CDC45: variants seen among roughly 807,000 people sequenced by gnomAD.
The protein encoded by CDC45 is cell division cycle 45.
A neutral mutation model predicts 77.8 loss-of-function variants in CDC45; 54 were observed. The ratio of observed to expected loss-of-function variants is 0.69; its 90% CI spans 0.56 to 0.87. The LOEUF (loss-of-function observed/expected upper bound fraction) is 0.87. CDC45 is among the 40% of genes least tolerant of loss of function. CDC45 has a pLI of 0.00. For synonymous variants in CDC45, 260 were observed against 272.1 expected (o/e 0.96, Z 0.44); for missense variants, 649 against 721.6 (o/e 0.90, Z 1.15).
chr22:19,513,419 G>A (rs1464863910), intron 13 of CDC45, among the ~76,000 whole-genome samples: 1 of 152,104 alleles, frequency 6.6e-6, no homozygotes, highest in East Asian at 1.9e-4. Context: ...TTACTATCTG[G>A]CACGGCTCTT....
chr22:19,493,487 C>T (rs1480477612), intron 5 of CDC45, among the ~76,000 whole-genome samples: 1 of 151,930 alleles, frequency 6.6e-6, no homozygotes, highest in African/African-American at 2.4e-5. Context: ...CTCTGTTACC[C>T]AGGCTGGAAT....
Position 19,507,410 on chromosome 22 carries a change from C to A in CDC45, c.849C>A (p.His283Gln), listed in dbSNP as rs1208026486. Residue 283 changes from histidine (H) to glutamine (Q), a missense_variant, in exon 11 of 19, where the codon CAC becomes CAA. By Grantham distance (24) the His-to-Gln change is conservative (BLOSUM62 0). Coordinates refer to ENST00000263201, the MANE Select transcript of CDC45 (RefSeq NM_003504.5). ...GCCTCCGCCTGGTGCTCTACCAGCA[C>A]TGGTCCCTCCATGACAGCCTGTGCA... ...EYDLRLVLYQHWSLHDSLCNT... is the reference protein window; with the variant it reads ...EYDLRLVLYQQWSLHDSLCNT... 1 of 1,614,136 alleles carries A rather than the reference C, an allele frequency of 6.2e-7. No individual in the cohort carries two copies. The highest frequency in any genetic ancestry group is 1.7e-5 in the Admixed American group (1 of 60,032).
chr22:19,491,454 A>C (rs1420905677), intron 5 of CDC45, among the ~76,000 whole-genome samples: 2 of 151,664 alleles, frequency 1.3e-5, no homozygotes, highest in East Asian at 3.9e-4. Flanking sequence ...TTTATTCCTA[A>C]AAGGTACTTT....
At chr22:19,502,439 A>G (rs565659395) in intron 9 of CDC45, among the ~76,000 whole-genome samples, 2 of 152,242 alleles carry the variant, frequency 1.3e-5, no homozygotes, top group African/African-American at 2.4e-5. Flanking sequence ...TTATAAGCCA[A>G]TTTGGTAGCA....
chr22:19,490,987 C>T (rs959918705), intron 5 of CDC45, among the ~76,000 whole-genome samples: 2 of 151,782 alleles, frequency 1.3e-5, no homozygotes, highest in African/African-American at 4.8e-5. Context: ...GCCACCATGC[C>T]CGGCTAATTT....
chr22:19,513,024 C>T (rs981859561), intron 13 of CDC45, among the ~76,000 whole-genome samples: 10 of 152,104 alleles, frequency 6.6e-5, no homozygotes, highest in African/African-American at 2.2e-4. Context: ...ACAACCGTCA[C>T]GGGAACTAAT....
At chr22:19,508,479 G>A (rs1330468198) in intron 12 of CDC45, 51 bp from the exon 13 acceptor site, 1 of 1,603,706 alleles carries the variant, frequency 6.2e-7, no homozygotes, top group African/African-American at 1.3e-5. Context: ...GCCTGGCAGT[G>A]AGAGCTTGCC....
At chr22:19,516,439 G>T in intron 15 of CDC45, 88 bp from the exon 16 acceptor site, 1 of 1,084,000 alleles carries the variant, frequency 9.2e-7, no homozygotes, top group Non-Finnish European at 1.4e-6. Context: ...TTGGGGAGTG[G>T]AGTGACTGGG....
At chr22:19,481,933 A>G (rs1027682090) in intron 3 of CDC45, among the ~76,000 whole-genome samples, 2 of 152,138 alleles carry the variant, frequency 1.3e-5, no homozygotes, top group African/African-American at 4.8e-5. Flanking sequence ...CAGCCTCCCA[A>G]AGTGCTGGAA....
rs1425660327 is a variant in CDC45, at chr22:19,480,160, G to T, written c.54G>T (p.Arg18Ser). ...KEFYEVVQSQRVLLFVASDVD... is the reference protein window; with the variant it reads ...KEFYEVVQSQSVLLFVASDVD... Reference sequence around the variant, plus strand: ...GCCGGTCTGCTCTTCCCCGATAGAGGGTCCTTCTCTTCGTGGCCTCGGACG... The same window carrying T: ...GCCGGTCTGCTCTTCCCCGATAGAGTGTCCTTCTCTTCGTGGCCTCGGACG... The change falls in exon 2 of 19, where the codon AGG (arginine) becomes AGT (serine). Residue 18 changes from arginine to serine, a missense_variant and splice_region_variant. Arg to Ser is a moderately radical substitution (Grantham distance 110). Coordinates refer to ENST00000263201, the MANE Select transcript of CDC45 (RefSeq NM_003504.5). 1.9e-6 allele frequency: 3 copies of T among 1,614,024 alleles called. No individual in the cohort carries two copies. Among genetic ancestry groups the T allele is most frequent in the Non-Finnish European group, 2.5e-6 (3 of 1,179,946 alleles).
intron 5 of CDC45, among the ~76,000 whole-genome samples, chr22:19,493,239 G>GTTTTTTTTTGTTTTGTT (rs112060234): frequency 6.8e-6 from 1 of 146,798 alleles, no homozygotes; most frequent in Non-Finnish European, 1.5e-5. Context: ...TTTTTTTTTT[G>GTTTTTTTTTGTTTTGTT]TTGTTTTGTT....
chr22:19,492,785 A>C (rs1211943345), intron 5 of CDC45, among the ~76,000 whole-genome samples: 2 of 152,148 alleles, frequency 1.3e-5, no homozygotes, highest in African/African-American at 2.4e-5. Flanking sequence ...GAGTGATGCC[A>C]GGTAGAGGTA....
chr22:19,513,677 C>T (rs751118486), intron 13 of CDC45, among the ~76,000 whole-genome samples: 3 of 152,114 alleles, frequency 2.0e-5, no homozygotes, highest in Non-Finnish European at 4.4e-5. Context: ...TCATTTACTC[C>T]CTCATTAAAT....
At chr22:19,487,432 G>A (rs917840728) in intron 5 of CDC45, among the ~76,000 whole-genome samples, 3 of 150,966 alleles carry the variant, frequency 2.0e-5, no homozygotes, top group African/African-American at 4.9e-5. Context: ...AGGCTAGAGT[G>A]GGAGGATGCC....
In CDC45 at chr22:19,518,917, A is replaced by G; in HGVS notation, c.*1+8A>G. The G allele has an allele frequency of 6.2e-7, 1 of 1,611,990 alleles. No individual in the cohort carries two copies. Among genetic ancestry groups the G allele is most frequent in the Non-Finnish European group, 8.5e-7 (1 of 1,178,140 alleles). On this transcript the variant is annotated splice_region_variant and intron_variant, in intron 18 of 18. Coordinates refer to ENST00000263201, the MANE Select transcript of CDC45 (RefSeq NM_003504.5). The stretch of plus-strand genomic sequence containing the variant: ...TTTCCCTCCTGTCCTAGGGTGAGTT[A>G]CAGGGGTTCTGCAGGGGTGGCTGCA...
chr22:19,479,829 G>C (rs1250636887), upstream of CDC45: 7 of 867,574 alleles, frequency 8.1e-6, no homozygotes, highest in East Asian at 1.2e-4. Context: ...CAATCAGAAA[G>C]AAAGGAAGGC....
chr22:19,516,286 CCA>C (rs1933782772), intron 15 of CDC45: 6 of 527,462 alleles, frequency 1.1e-5, no homozygotes, highest in South Asian at 9.1e-5. Flanking sequence ...AGCATCACAG[CCA>C]CAGTACCATG....
At chr22:19,505,263 C>T in intron 9 of CDC45, 99 bp from the exon 10 acceptor site, 4 of 1,405,226 alleles carry the variant, frequency 2.8e-6, no homozygotes, top group East Asian at 2.3e-5. Context: ...GGTGAGCAGG[C>T]CCCTGAGGAA....
In CDC45 at chr22:19,499,038, C is replaced by T. The variant is rs2090293655; in HGVS notation, c.654-63C>T. On this transcript the variant is annotated intron_variant, in intron 8 of 18. Coordinates refer to ENST00000263201, the MANE Select transcript of CDC45 (RefSeq NM_003504.5). The stretch of plus-strand genomic sequence containing the variant: ...GGCCCGTTCCATCATCTCACTCCAT[C>T]CCCCAGGCCTCATTGAGCCCAGGTG... 33 of 1,533,920 alleles carry T rather than the reference C, an allele frequency of 2.2e-5. No individual in the cohort carries two copies. The South Asian group carries it at 3.7e-4, about 17-fold the overall frequency.
Sources: gnomAD v4.1 joint callset for allele counts (sites outside exome capture counted in the v4.1 genomes callset) on GRCh38, gnomAD v4.1.1 for gene constraint, MANE v1.5 for transcripts, NCBI Gene and HGNC (gene_info 2026-07-23, HGNC 2026-07-21) for gene names.